Variants in SPAG16 observed in about 807,000 individuals in gnomAD.
SPAG16 encodes the protein sperm associated antigen 16, also known as sperm-associated antigen 16 protein.
A neutral mutation model predicts 80.4 loss-of-function variants in SPAG16; 86 were observed. The ratio of observed to expected loss-of-function variants is 1.07; its 90% CI spans 0.90 to 1.28. The LOEUF is 1.28. Ranked by LOEUF, SPAG16 falls within the 50% of genes most tolerant of loss-of-function variation. The pLI, the probability that SPAG16 is intolerant of heterozygous loss-of-function variation, is 0.00. For missense variants in SPAG16, 870 were observed against 765.3 expected (o/e 1.14, Z -1.61); for synonymous variants, 294 against 265.9 (o/e 1.11, Z -1.03).
Position 213,930,050 on chromosome 2 carries a change from C to A in SPAG16, c.1305C>A (p.His435Gln). 4 of 1,614,148 alleles carry A rather than the reference C, an allele frequency of 2.5e-6. No homozygotes were observed. The highest frequency in any genetic ancestry group is 3.4e-6 in the Non-Finnish European group (4 of 1,180,008). The change falls in exon 12 of 16, where the codon CAC becomes CAA. Residue 435 changes from histidine (H) to glutamine (Q), a missense_variant. His to Gln is a conservative substitution (Grantham distance 24). Coordinates refer to ENST00000331683, the MANE Select transcript of SPAG16 (RefSeq NM_024532.5). ...ATTGCATTTTGACCTTTGAAGGACA[C>A]AGCCGCGCAGTGTGGTCCTGCACAT... ...KGDCILTFEG[H>Q]SRAVWSCTWH... is the part of the protein sequence containing the mutation.
At chr2:213,299,134 C>G (rs1306411782) in intron 3 of SPAG16, among the ~76,000 whole-genome samples, 1 of 151,936 alleles carries the variant, frequency 6.6e-6, no homozygotes, top group East Asian at 1.9e-4. Flanking sequence ...TCTCTATGCA[C>G]AGAACTCTTA....
intron 15 of SPAG16, among the ~76,000 whole-genome samples, chr2:214,289,972 T>C (rs1451665593): frequency 6.6e-6 from 1 of 152,154 alleles, no homozygotes; most frequent in African/African-American, 2.4e-5. Flanking sequence ...TTCAATTTTT[T>C]TGAATACTTT....
At chr2:214,241,187 T>A (rs1430990900) in intron 15 of SPAG16, 1 of 151,968 alleles carries the variant, frequency 6.6e-6, no homozygotes. Flanking sequence ...ACTCTGTCTC[T>A]ACTAAAAATA....
Position 213,342,299 on chromosome 2 carries a change from CAT to C in SPAG16, c.644+2032_644+2033del, listed in dbSNP as rs201257729. Among the ~76,000 whole-genome samples the C allele has an allele frequency of 3.8e-3, 556 of 144,634 alleles. 3 individuals carry two copies. Among genetic ancestry groups the C allele is most frequent in the African/African-American group, 0.013 (498 of 39,768 alleles). The allele number at this position is 144,634 out of a possible 152,430, so 94.9% of individuals were successfully genotyped here. Reference sequence around the variant, plus strand: ...TACATACATATGTATATATATATGACATATGTGTATATATATGTTACATATAT... The same window carrying C: ...TACATACATATGTATATATATATGACATGTGTATATATATGTTACATATAT... On this transcript the variant is annotated intron_variant, in intron 6 of 15. Coordinates refer to ENST00000331683, the MANE Select transcript of SPAG16 (RefSeq NM_024532.5).
chr2:213,829,415 T>G (rs976682055), intron 10 of SPAG16, among the ~76,000 whole-genome samples: 1 of 152,158 alleles, frequency 6.6e-6, no homozygotes, highest in South Asian at 2.1e-4. Flanking sequence ...CTGTTGCCCC[T>G]GGTAGGCCCA....
intron 13 of SPAG16, among the ~76,000 whole-genome samples, chr2:214,044,071 G>A (rs190497829): frequency 3.9e-5 from 6 of 151,974 alleles, no homozygotes; most frequent in Admixed American, 3.9e-4. Context: ...GCAGAGGTGT[G>A]GTGGATTATT....
At chr2:213,638,509 C>A (rs967087339) in intron 10 of SPAG16, among the ~76,000 whole-genome samples, 2 of 152,068 alleles carry the variant, frequency 1.3e-5, no homozygotes, top group Non-Finnish European at 2.9e-5. Flanking sequence ...ACCCAAAGAC[C>A]ATTCAGGAGC....
intron 15 of SPAG16, among the ~76,000 whole-genome samples, chr2:214,176,457 G>A (rs970313118): frequency 2.4e-4 from 37 of 151,110 alleles, no homozygotes; most frequent in Non-Finnish European, 1.0e-4. Flanking sequence ...CTATCCTGTA[G>A]CTGTAGTTTT....
intron 12 of SPAG16, among the ~76,000 whole-genome samples, chr2:214,012,290 T>A (rs866867634): frequency 9.8e-3 from 433 of 44,324 alleles, no homozygotes; most frequent in East Asian, 0.019. Flanking sequence ...ATATATATAT[T>A]TTTTTTTTTT....
At chr2:213,890,098 T>C (rs1575468436) in intron 11 of SPAG16, among the ~76,000 whole-genome samples, 1 of 152,196 alleles carries the variant, frequency 6.6e-6, no homozygotes, top group Non-Finnish European at 1.5e-5. Context: ...TAAAGCAACA[T>C]CAGCCATAAT....
chr2:213,727,606 T>C (rs1033299549), intron 10 of SPAG16, among the ~76,000 whole-genome samples: 1 of 152,048 alleles, frequency 6.6e-6, no homozygotes, highest in African/African-American at 2.4e-5. Context: ...ATTGCGTTAG[T>C]GTGACATGGA....
intron 15 of SPAG16, among the ~76,000 whole-genome samples, chr2:214,158,004 AAAAGGAC>A (rs3043766): frequency 0.36 from 54,497 of 151,978 alleles, 12,187 homozygotes; most frequent in Non-Finnish European, 0.5. Flanking sequence ...TCTCCATCAG[AAAAGGAC>A]ATTTGAATCA....
chr2:213,416,500 A>G (rs1032242153), intron 9 of SPAG16, among the ~76,000 whole-genome samples: 1 of 152,092 alleles, frequency 6.6e-6, no homozygotes, highest in Non-Finnish European at 1.5e-5. Context: ...GTGTGAATAC[A>G]GCATGCTATA....
intron 10 of SPAG16, among the ~76,000 whole-genome samples, chr2:213,616,098 G>A (rs2061587484): frequency 6.6e-6 from 1 of 152,128 alleles, no homozygotes; most frequent in African/African-American, 2.4e-5. Context: ...TACCGATTAG[G>A]AAACTGGAGA....
intron 10 of SPAG16, among the ~76,000 whole-genome samples, chr2:213,584,566 G>A (rs2060402003): frequency 6.6e-6 from 1 of 151,420 alleles, no homozygotes; most frequent in Non-Finnish European, 1.5e-5. Flanking sequence ...TCAGAAACTA[G>A]ATAGGGAAAG....
intron 10 of SPAG16, among the ~76,000 whole-genome samples, chr2:213,812,958 G>A (rs567205186): frequency 7.9e-5 from 12 of 152,046 alleles, no homozygotes; most frequent in Non-Finnish European, 1.6e-4. Context: ...TTAAGAAACA[G>A]CCTTCAATTC....
At chr2:214,233,889 T>A (rs1316207926) in intron 15 of SPAG16, among the ~76,000 whole-genome samples, 1 of 152,080 alleles carries the variant, frequency 6.6e-6, no homozygotes, top group Non-Finnish European at 1.5e-5. Flanking sequence ...TGTGGTTTTT[T>A]TAATTATTTT....
chr2:213,819,495 T>G (rs1260630303), intron 10 of SPAG16, among the ~76,000 whole-genome samples: 1 of 152,214 alleles, frequency 6.6e-6, no homozygotes, highest in Admixed American at 6.5e-5. Flanking sequence ...ATATCACAGG[T>G]GTTCAATTAA....
rs539416031 is a variant in SPAG16 at position 213,446,656 on chromosome 2, C to T, written c.943-43307C>T. On this transcript the variant is annotated intron_variant, in intron 9 of 15. Transcript: ENST00000331683. ...ACCTACTACACAAAATTATTCTTAT[C>T]GGGCTTATGTGCCTTTTCCTCCACT... Among the ~76,000 whole-genome samples the T allele has an allele frequency of 5.9e-5, 9 of 152,298 alleles. No homozygotes were observed. In the East Asian group the frequency reaches 1.2e-3, roughly 20 times the overall value.
Sources: allele counts gnomAD v4.1 joint callset (sites outside exome capture counted in the v4.1 genomes callset), GRCh38; gene constraint gnomAD v4.1.1; transcripts MANE v1.5; gene names NCBI Gene and HGNC (gene_info 2026-07-23, HGNC 2026-07-21).